Variants in STX17 observed in about 807,000 individuals in gnomAD.
STX17 encodes the protein syntaxin-17.
Under a neutral mutation model 35.9 loss-of-function variants are expected in STX17, and 29 were observed. The observed-to-expected ratio is 0.81, with a 90% CI of 0.60 to 1.10. The LOEUF is 1.10. Ranked by LOEUF, STX17 falls within the 50% of genes least tolerant of loss-of-function variation. The pLI is 0.00. For missense variants in STX17, 312 were observed against 352.3 expected (o/e 0.89, Z 0.92); for synonymous variants, 92 against 118.3 (o/e 0.78, Z 1.44).
chr9:99,943,984 A>G (rs557191506), intron 3 of STX17, among the ~76,000 whole-genome samples: 11 of 152,202 alleles, frequency 7.2e-5, no homozygotes, highest in Admixed American at 2.6e-4. Context: ...AGACTTCAAA[A>G]TATACATTTA....
chr9:99,959,513 G>A (rs1447008011), intron 4 of STX17, among the ~76,000 whole-genome samples: 1 of 141,526 alleles, frequency 7.1e-6, no homozygotes, highest in African/African-American at 2.7e-5. Context: ...AGGCTGGAGT[G>A]CAGCGGCGTG....
chr9:99,916,012 T>C, intron 2 of STX17: 1 of 455,560 alleles, frequency 2.2e-6, no homozygotes, highest in Admixed American at 2.4e-5. Context: ...TTTTGAACTT[T>C]GAGTGTGTGT....
chr9:99,928,485 C>T (rs577360601), intron 2 of STX17, among the ~76,000 whole-genome samples: 2 of 151,926 alleles, frequency 1.3e-5, no homozygotes, highest in Admixed American at 6.6e-5. Context: ...TTATATTTTC[C>T]ATCTCCAGAG....
rs1432359011 is a variant in STX17, at chr9:99,947,544, T to C, written c.190-3516T>C. On this transcript the variant is annotated intron_variant, in intron 3 of 7. Coordinates refer to ENST00000259400, the MANE Select transcript of STX17 (RefSeq NM_017919.3). ...AGAAATTATTTGAAGCTAGGGATGA[T>C]GTTATCTTCCTCCAGATATTTTCAT... Among the ~76,000 whole-genome samples the C allele has an allele frequency of 2.0e-5, 3 of 152,196 alleles. No individual in the cohort carries two copies. In the East Asian group the frequency reaches 5.8e-4, roughly 29 times the overall value.
At chr9:99,947,711 G>A (rs1234506072) in intron 3 of STX17, among the ~76,000 whole-genome samples, 1 of 152,130 alleles carries the variant, frequency 6.6e-6, no homozygotes, top group Non-Finnish European at 1.5e-5. Flanking sequence ...AGGATTACCT[G>A]TGTTCCTAGG....
At position 99,972,279 on chromosome 9, in the gene STX17, TAA is replaced by T. The variant is rs1198484831; in HGVS notation, c.*3608_*3609del. Among the ~76,000 whole-genome samples the T allele has an allele frequency of 6.6e-6, 1 of 152,212 alleles. No individual in the cohort carries two copies. Among genetic ancestry groups the T allele is most frequent in the Non-Finnish European group, 1.5e-5 (1 of 68,016 alleles). On this transcript the variant is annotated 3_prime_UTR_variant, in exon 8 of 8. Coordinates refer to ENST00000259400, the MANE Select transcript of STX17 (RefSeq NM_017919.3). ...CAGTGCTTTTTGTGTAATTTAAAAA[TAA>T]ACTTTAATGCTTTTTAAAACAAATT...
chr9:99,940,226 G>A (rs993748056), intron 3 of STX17, among the ~76,000 whole-genome samples: 1 of 151,406 alleles, frequency 6.6e-6, no homozygotes, highest in African/African-American at 2.4e-5. Flanking sequence ...CACCTCCCGG[G>A]TTCAAGTGAG....
At chr9:99,944,846 G>T (rs992648626) in intron 3 of STX17, among the ~76,000 whole-genome samples, 1 of 151,938 alleles carries the variant, frequency 6.6e-6, no homozygotes, top group Non-Finnish European at 1.5e-5. Context: ...TGATTTCTTT[G>T]ACTTGTGGGT....
At chr9:99,908,799 A>G (rs1488106136) in intron 1 of STX17, among the ~76,000 whole-genome samples, 1 of 152,180 alleles carries the variant, frequency 6.6e-6, no homozygotes, top group African/African-American at 2.4e-5. Flanking sequence ...TACTGGGGTA[A>G]CATTGCTTCC....
rs760834438 is a variant in STX17, at chr9:99,960,197, T to G, written c.582+42T>G. 51 of 1,573,310 alleles carry G rather than the reference T, an allele frequency of 3.2e-5. 1 individual carries two copies. The Middle Eastern group carries it at 1.7e-3, about 52-fold the overall frequency. On this transcript the variant is annotated intron_variant, in intron 6 of 7. Coordinates refer to ENST00000259400, the MANE Select transcript of STX17 (RefSeq NM_017919.3). ...TTTGGATGCAGAATTGTTGGATTAT[T>G]AGAATGAGAAGCTTTTATAATCACT... is the stretch of plus-strand genomic sequence containing the variant.
At chr9:99,933,966 T>C (rs1049089462) in intron 3 of STX17, among the ~76,000 whole-genome samples, 6 of 152,202 alleles carry the variant, frequency 3.9e-5, no homozygotes, top group Non-Finnish European at 7.4e-5. Flanking sequence ...TGAAGGAACT[T>C]ACATAGACAG....
intron 4 of STX17, among the ~76,000 whole-genome samples, chr9:99,952,263 A>G (rs912413550): frequency 2.6e-5 from 4 of 152,334 alleles, no homozygotes; most frequent in Admixed American, 6.5e-5. Context: ...TATGCAGCCA[A>G]AAAACACATG....
chr9:99,942,359 G>A (rs547623842), intron 3 of STX17, among the ~76,000 whole-genome samples: 1 of 152,188 alleles, frequency 6.6e-6, no homozygotes, highest in African/African-American at 2.4e-5. Context: ...AGTTATATGT[G>A]TTGCAGATAT....
intron 2 of STX17, among the ~76,000 whole-genome samples, chr9:99,925,743 G>A (rs1292652034): frequency 3.3e-5 from 5 of 151,690 alleles, no homozygotes; most frequent in Non-Finnish European, 5.9e-5. Context: ...TTGTTTCTTC[G>A]TATTTCATGT....
chr9:99,939,070 A>G (rs756841190), intron 3 of STX17, among the ~76,000 whole-genome samples: 9 of 152,200 alleles, frequency 5.9e-5, no homozygotes, highest in Non-Finnish European at 8.8e-5. Flanking sequence ...TGTGACTTTC[A>G]TGATTTTACT....
intron 2 of STX17, among the ~76,000 whole-genome samples, chr9:99,921,741 T>G (rs1828892890): frequency 6.6e-6 from 1 of 151,972 alleles, no homozygotes; most frequent in Non-Finnish European, 1.5e-5. Context: ...TACCAATTCT[T>G]TGCAGTTCTT....
chr9:99,957,392 C>CT (rs2118508037), intron 4 of STX17, among the ~76,000 whole-genome samples: 1 of 152,238 alleles, frequency 6.6e-6, no homozygotes, highest in Admixed American at 6.5e-5. Flanking sequence ...TCTGGCTCTT[C>CT]TAAAATACAA....
chr9:99,909,072 A>G (rs1333111285), intron 1 of STX17, among the ~76,000 whole-genome samples: 3 of 152,222 alleles, frequency 2.0e-5, no homozygotes, highest in Admixed American at 6.5e-5. Flanking sequence ...ACATAAAGTA[A>G]TTTCAGGATT....
chr9:99,926,962 T>C (rs1406914269), intron 2 of STX17, among the ~76,000 whole-genome samples: 1 of 152,246 alleles, frequency 6.6e-6, no homozygotes, highest in East Asian at 1.9e-4. Context: ...TTTCTAGCCT[T>C]GGGTGATCTT....
Sources: gnomAD v4.1 joint callset for allele counts (sites outside exome capture counted in the v4.1 genomes callset) on GRCh38, gnomAD v4.1.1 for gene constraint, MANE v1.5 for transcripts, NCBI Gene and HGNC (gene_info 2026-07-23, HGNC 2026-07-21) for gene names.